The following DIAPH2 variants were observed in gnomAD, a reference collection of about 807,000 sequenced individuals.
The protein encoded by DIAPH2 is diaphanous related formin 2, also known as protein diaphanous homolog 2.
A neutral mutation model predicts 92.7 loss-of-function variants in DIAPH2; 35 were observed. That is an observed-to-expected ratio of 0.38 (90% CI 0.29 to 0.50). DIAPH2 has a LOEUF of 0.50. Ranked by LOEUF, DIAPH2 falls within the 20% of genes least tolerant of loss-of-function variation. The pLI is 0.94. For synonymous variants in DIAPH2, 301 were observed against 280.4 expected (o/e 1.07, Z -0.73); for missense variants, 701 against 819.5 (o/e 0.86, Z 1.77).
intron 17 of DIAPH2, among the ~76,000 whole-genome samples, chrX:96,973,446 C>T (rs1390992901): frequency 2.7e-5 from 3 of 111,224 alleles, no homozygotes; most frequent in Non-Finnish European, 5.7e-5. Context: ...TGCAGTGAGC[C>T]GTGATCGTGC....
chrX:97,241,380 C>T (rs1306105069), intron 22 of DIAPH2, among the ~76,000 whole-genome samples: 1 of 110,398 alleles, frequency 9.1e-6, no homozygotes, highest in Non-Finnish European at 1.9e-5. Context: ...TCACTGCCAC[C>T]TCCGCCTCTT....
intron 25 of DIAPH2, among the ~76,000 whole-genome samples, chrX:97,391,385 G>A (rs889793768): frequency 1.1e-4 from 12 of 111,553 alleles, no homozygotes; most frequent in African/African-American, 3.3e-5. Context: ...CTTTAAATAT[G>A]TCCAATTAGA....
intron 22 of DIAPH2, among the ~76,000 whole-genome samples, chrX:97,165,124 GAGAC>G (rs1443537212): frequency 1.2e-4 from 13 of 112,117 alleles, no homozygotes; most frequent in African/African-American, 4.2e-4. Context: ...TCTCATAGGA[GAGAC>G]AGACAATTAA....
chrX:96,910,685 C>T lies in DIAPH2; in HGVS notation c.588-1643C>T, dbSNP rs375242893. 3.8e-3 allele frequency among the ~76,000 whole-genome samples: 424 copies of T among 111,518 alleles called. 1 individual carries two copies. The highest frequency in any genetic ancestry group is 0.013 in the African/African-American group (401 of 30,766). The stretch of plus-strand genomic sequence containing the variant: ...TTAATTAAATTTAAATTAGCAAATA[C>T]TTACTTAGTGTTGGCTCTATTTAAT... On this transcript the variant is annotated intron_variant, in intron 5 of 26. Coordinates refer to ENST00000324765, the MANE Select transcript of DIAPH2 (RefSeq NM_006729.5).
intron 23 of DIAPH2, among the ~76,000 whole-genome samples, chrX:97,271,815 A>ATG (rs2068389275): frequency 1.1e-5 from 1 of 91,688 alleles, no homozygotes; most frequent in Admixed American, 1.1e-4. Flanking sequence ...ATATATATGC[A>ATG]CACACACACA....
At chrX:97,579,712 T>A (rs1205129404) in intron 26 of DIAPH2, among the ~76,000 whole-genome samples, 3 of 110,341 alleles carry the variant, frequency 2.7e-5, no homozygotes, top group Non-Finnish European at 3.8e-5. Flanking sequence ...AAGAAAGGCA[T>A]TGGTAGCTTG....
intron 1 of DIAPH2, among the ~76,000 whole-genome samples, chrX:96,729,863 A>G (rs1162803778): frequency 8.9e-6 from 1 of 112,220 alleles, no homozygotes; most frequent in Non-Finnish European, 1.9e-5. Context: ...CAAAAATACA[A>G]AAGTATTGCT....
intron 19 of DIAPH2, among the ~76,000 whole-genome samples, chrX:97,088,003 GA>G (rs2088325176): frequency 9.0e-6 from 1 of 111,449 alleles, no homozygotes; most frequent in Admixed American, 9.6e-5. Flanking sequence ...TTTGTCTCTA[GA>G]CTTCCTCCAG....
intron 26 of DIAPH2, among the ~76,000 whole-genome samples, chrX:97,456,621 G>A (rs1035044460): frequency 9.0e-6 from 1 of 111,336 alleles, no homozygotes; most frequent in Non-Finnish European, 1.9e-5. Context: ...TAATTGTGTG[G>A]CTTGGTTGGA....
chrX:97,193,465 T>C (rs1053706042), intron 22 of DIAPH2, among the ~76,000 whole-genome samples: 3 of 112,287 alleles, frequency 2.7e-5, no homozygotes, highest in Admixed American at 9.5e-5. Flanking sequence ...TTTTAATTAT[T>C]GATTTCTCTT....
intron 22 of DIAPH2, among the ~76,000 whole-genome samples, chrX:97,175,813 A>T (rs1269893797): frequency 8.9e-6 from 1 of 112,441 alleles, no homozygotes; most frequent in Non-Finnish European, 1.9e-5. Flanking sequence ...TGCAAAGATT[A>T]GTGCCAGCTG....
intron 26 of DIAPH2, among the ~76,000 whole-genome samples, chrX:97,559,908 G>A (rs1602668697): frequency 8.9e-6 from 1 of 111,867 alleles, no homozygotes; most frequent in Admixed American, 9.5e-5. Flanking sequence ...CTTTAAGAAA[G>A]AAGAGACACA....
chrX:97,090,804 C>CT (rs2066819621), intron 19 of DIAPH2, among the ~76,000 whole-genome samples: 1 of 111,057 alleles, frequency 9.0e-6, no homozygotes, highest in Admixed American at 9.5e-5. Flanking sequence ...AGATACGTCT[C>CT]TAATATTTAG....
intron 17 of DIAPH2, among the ~76,000 whole-genome samples, chrX:97,017,086 A>G (rs1350349053): frequency 8.9e-6 from 1 of 111,734 alleles, no homozygotes; most frequent in Non-Finnish European, 1.9e-5. Context: ...AGAAAATTGC[A>G]GGAATTTTTT....
chrX:97,274,086 G>C (rs1322027194), intron 23 of DIAPH2, among the ~76,000 whole-genome samples: 1 of 103,908 alleles, frequency 9.6e-6, no homozygotes, highest in Non-Finnish European at 2.0e-5. Flanking sequence ...AATCCGTTTT[G>C]TTTTTCCTAT....
chrX:97,154,273 A>G (rs6615887), intron 22 of DIAPH2, among the ~76,000 whole-genome samples: 2,981 of 111,764 alleles, frequency 0.027, 94 homozygotes, highest in African/African-American at 0.085. Context: ...ACAAGATCAC[A>G]CAATGAATAA....
chrX:97,257,832 C>A (rs747282077), intron 23 of DIAPH2, among the ~76,000 whole-genome samples: 22 of 110,432 alleles, frequency 2.0e-4, no homozygotes, highest in Non-Finnish European at 3.2e-4. Flanking sequence ...TTTTAACATG[C>A]CTTGCAAAAT....
chrX:97,256,601 G>A (rs2068237991), intron 23 of DIAPH2, among the ~76,000 whole-genome samples: 1 of 112,136 alleles, frequency 8.9e-6, no homozygotes, highest in East Asian at 2.8e-4. Context: ...CTTATGAAAA[G>A]TATGGCAAGT....
At chrX:97,120,851 C>G (rs1028303843) in intron 21 of DIAPH2, among the ~76,000 whole-genome samples, 6 of 110,146 alleles carry the variant, frequency 5.4e-5, no homozygotes, top group African/African-American at 2.0e-4. Context: ...ATCCATTTCC[C>G]CCATAGAAGT....
Sources: gnomAD v4.1 joint callset for allele counts (sites outside exome capture counted in the v4.1 genomes callset) on GRCh38, gnomAD v4.1.1 for gene constraint, MANE v1.5 for transcripts, NCBI Gene and HGNC (gene_info 2026-07-23, HGNC 2026-07-21) for gene names.